MTMR2: variants seen among roughly 807,000 people sequenced by gnomAD.
The protein encoded by MTMR2 is phosphatidylinositol-3,5-bisphosphate 3-phosphatase MTMR2.
In MTMR2, 55 loss-of-function variants were observed where a neutral mutation model predicts 86.9. The ratio of observed to expected loss-of-function variants is 0.63; its 90% confidence interval spans 0.51 to 0.79. MTMR2 has a LOEUF of 0.79. Among genes scored for constraint, MTMR2 ranks in the 30% least tolerant of loss-of-function variants. MTMR2 has a pLI of 0.00. For synonymous variants in MTMR2, 241 were observed against 266.8 expected, an observed-to-expected ratio of 0.90 and a Z score of 0.94; for missense variants, 659 against 772.3, an observed-to-expected ratio of 0.85 and a Z score of 1.74.
chr11:95,873,443 C>T (rs532178557), intron 2 of MTMR2, among the ~76,000 whole-genome samples: 98 of 152,252 alleles, frequency 6.4e-4, no homozygotes, highest in African/African-American at 2.3e-3. Flanking sequence ...TCTGTGGGAT[C>T]GGTGGTGATC....
chr11:95,837,812 C>T (rs1314838557), intron 13 of MTMR2, among the ~76,000 whole-genome samples: 1 of 152,074 alleles, frequency 6.6e-6, no homozygotes, highest in Admixed American at 6.6e-5. Flanking sequence ...AATTGGTACA[C>T]TGGTGCTCCT....
At position 95,920,483 on chromosome 11, in the gene MTMR2, T is replaced by C. The variant is rs75904602; in HGVS notation, c.80+3392A>G. Among the ~76,000 whole-genome samples the C allele has an allele frequency of 2.6e-4, 9 of 35,046 alleles. No individual in the cohort carries two copies. The African/African-American group carries it at 3.5e-3, about 14-fold the overall frequency. The allele number at this position is 35,046 out of a possible 152,430, so 23.0% of individuals were successfully genotyped here. Reference sequence around the variant, plus strand: ...CCACCACGCCCAGCTGACGATTACTTTTTTTTTTTTTTTTTTAAAGATGCA... The same window carrying C: ...CCACCACGCCCAGCTGACGATTACTCTTTTTTTTTTTTTTTTAAAGATGCA... On this transcript the variant is annotated intron_variant, in intron 1 of 14. Transcript: ENST00000346299.
intron 2 of MTMR2, among the ~76,000 whole-genome samples, chr11:95,877,592 G>T (rs1315143910): frequency 6.6e-6 from 1 of 151,918 alleles, no homozygotes; most frequent in African/African-American, 2.4e-5. Context: ...TTGGAAATAG[G>T]GTTGTTGCAG....
intron 1 of MTMR2, among the ~76,000 whole-genome samples, chr11:95,897,387 T>C (rs1397020064): frequency 3.9e-5 from 6 of 152,172 alleles, no homozygotes; most frequent in African/African-American, 9.6e-5. Context: ...ATTTTAATTA[T>C]GTAATCACAG....
intron 1 of MTMR2, among the ~76,000 whole-genome samples, chr11:95,891,943 A>C (rs189670969): frequency 1.3e-5 from 2 of 152,286 alleles, no homozygotes; most frequent in Admixed American, 1.3e-4. Flanking sequence ...AGAACTGTTA[A>C]AACTTCTGGT....
intron 11 of MTMR2, among the ~76,000 whole-genome samples, chr11:95,844,233 A>C (rs906859090): frequency 6.6e-6 from 1 of 152,170 alleles, no homozygotes; most frequent in Non-Finnish European, 1.5e-5. Context: ...TGATAAGTAC[A>C]TTGTGTAGAG....
chr11:95,862,374 AG>A lies in MTMR2; in HGVS notation c.263-9del. 1 of 1,584,090 alleles carries A rather than the reference AG, an allele frequency of 6.3e-7. No individual in the cohort carries two copies. The highest frequency in any genetic ancestry group is 8.7e-7 in the Non-Finnish European group (1 of 1,155,526). ...TATAAGTTACATCTTTGGCTGAAAA[AG>A]CAAGAAGTCCACAGTTTACTATACA... On this transcript the variant is annotated splice_polypyrimidine_tract_variant and intron_variant, in intron 3 of 14. Transcript: ENST00000346299.
intron 2 of MTMR2, among the ~76,000 whole-genome samples, chr11:95,883,624 T>C (rs1176746089): frequency 6.6e-6 from 1 of 152,192 alleles, no homozygotes; most frequent in African/African-American, 2.4e-5. Flanking sequence ...ATAAGACTTT[T>C]TCCATAACAA....
At chr11:95,852,790 C>A (rs1032043330) in intron 7 of MTMR2, among the ~76,000 whole-genome samples, 2 of 152,134 alleles carry the variant, frequency 1.3e-5, no homozygotes, top group African/African-American at 4.8e-5. Flanking sequence ...GTAATCCCAG[C>A]ACTTTGGGAG....
chr11:95,872,129 TTAAAG>T (rs1388173363), intron 2 of MTMR2, among the ~76,000 whole-genome samples: 3 of 152,182 alleles, frequency 2.0e-5, no homozygotes, highest in African/African-American at 4.8e-5. Flanking sequence ...CATATGAACT[TTAAAG>T]TAGTTTTTTC....
chr11:95,862,772 T>C (rs1402965516), intron 3 of MTMR2, among the ~76,000 whole-genome samples: 1 of 152,188 alleles, frequency 6.6e-6, no homozygotes, highest in African/African-American at 2.4e-5. Flanking sequence ...ACCTCACCAA[T>C]TTCCTGTCCA....
chr11:95,872,780 T>C (rs1434868011), intron 2 of MTMR2, among the ~76,000 whole-genome samples: 1 of 152,212 alleles, frequency 6.6e-6, no homozygotes, highest in East Asian at 1.9e-4. Flanking sequence ...TATTTTGAGA[T>C]ACGTCCCATC....
rs546756365 is a variant in MTMR2, at chr11:95,865,637, G to A, written c.226C>T (p.Pro76Ser). The change falls in exon 3 of 15, where the codon CCA becomes TCA. Residue 76 changes from proline to serine, a missense_variant. Coordinates refer to ENST00000346299, the MANE Select transcript of MTMR2 (RefSeq NM_016156.6). ...ATATTTTCTCCTGGAAGCAAGGGTG[G>A]TTCTTCCATTTCTGCTAACTTGTTA... The part of the protein sequence containing the change: ...ESNKLAEMEE[P>S]PLLPGENIKD... 6.2e-7 allele frequency: 1 copy of A among 1,613,914 alleles called. No homozygotes were observed. Among genetic ancestry groups the A allele is most frequent in the African/African-American group, 1.3e-5 (1 of 75,020 alleles).
intron 1 of MTMR2, among the ~76,000 whole-genome samples, chr11:95,921,928 T>C (rs1231678348): frequency 6.6e-6 from 1 of 152,198 alleles, no homozygotes; most frequent in Non-Finnish European, 1.5e-5. Flanking sequence ...GCTTTCTGTT[T>C]TAGGAAATAA....
At chr11:95,923,768 T>A (rs1429650064) in intron 1 of MTMR2, 107 bp downstream of exon 1, 3 of 1,495,894 alleles carry the variant, frequency 2.0e-6, no homozygotes, top group Non-Finnish European at 2.7e-6. Context: ...AATTCCGGCG[T>A]AGCCTTCAGA....
chr11:95,908,573 T>C (rs969708452), intron 1 of MTMR2, among the ~76,000 whole-genome samples: 3 of 152,036 alleles, frequency 2.0e-5, no homozygotes. Context: ...AGGCATCACA[T>C]TGCCCAACTT....
chr11:95,908,326 A>G (rs1233229774), intron 1 of MTMR2, among the ~76,000 whole-genome samples: 4 of 152,194 alleles, frequency 2.6e-5, no homozygotes, highest in Non-Finnish European at 4.4e-5. Flanking sequence ...AACACTACTG[A>G]AAGAAATCAA....
intron 13 of MTMR2, 46 bp from the exon 14 acceptor site, chr11:95,836,370 T>A: frequency 6.6e-7 from 1 of 1,526,114 alleles, no homozygotes; most frequent in East Asian, 2.3e-5. Context: ...ACATAAGCCA[T>A]TTACACTTTA....
chr11:95,847,324 C>T (rs1425937657), intron 10 of MTMR2, among the ~76,000 whole-genome samples: 3 of 152,086 alleles, frequency 2.0e-5, no homozygotes, highest in Non-Finnish European at 4.4e-5. Flanking sequence ...TAGCAATATA[C>T]GTTGGTTGAC....
Sources: allele counts gnomAD v4.1 joint callset (sites outside exome capture counted in the v4.1 genomes callset), GRCh38; gene constraint gnomAD v4.1.1; transcripts MANE v1.5; gene names NCBI Gene and HGNC (gene_info 2026-07-23, HGNC 2026-07-21).